IDS: variants seen among roughly 807,000 people sequenced by gnomAD.
The protein encoded by IDS is alpha-L-iduronate sulfate sulfatase.
A neutral mutation model predicts 33.5 loss-of-function variants in IDS; 1 was observed. The observed-to-expected ratio is 0.03, with a 90% CI of 0.01 to 0.14. IDS has a LOEUF of 0.14. Among genes scored for constraint, IDS ranks in the 10% least tolerant of loss-of-function variants. The pLI, the probability that IDS is intolerant of heterozygous loss-of-function variation, is 1.00. For missense variants in IDS, 328 were observed against 448.0 expected (o/e 0.73, Z 2.42); for synonymous variants, 191 against 184.4 (o/e 1.04, Z -0.29).
In IDS at chrX:149,480,251, CA is replaced by C. The variant is rs782367233; in HGVS notation, c.*2494del. The stretch of plus-strand genomic sequence containing the variant: ...GAAGACACGTGGATTATTTTAGGGA[CA>C]GGGGAGGAAAGAGGAGGGGTGGGTA... On this transcript the variant is annotated 3_prime_UTR_variant, in exon 9 of 9. Transcript: ENST00000340855. 3.3e-4 allele frequency: 96 copies of C among 289,966 alleles called. No individual in the cohort carries two copies. Among genetic ancestry groups the C allele is most frequent in the Non-Finnish European group, 5.2e-4 (87 of 168,660 alleles). 23.9% of individuals were successfully genotyped at this position (289,966 alleles called of 1,213,427 possible). A position where few individuals can be genotyped will look rare whatever the true frequency, so the allele number is the denominator to read the frequency against.
chrX:149,479,958 CA>C lies in IDS; in HGVS notation c.*2787del, dbSNP rs782618478. On this transcript the variant is annotated 3_prime_UTR_variant, in exon 9 of 9. Coordinates refer to ENST00000340855, the MANE Select transcript of IDS (RefSeq NM_000202.8). ...TCCCACAATAGAGTCTAGAGAGTCA[CA>C]AAAACCTCAGCCTCCTTCGGGAGGG... 2.7e-4 allele frequency: 67 copies of C among 247,001 alleles called. No homozygotes were observed. Among genetic ancestry groups the C allele is most frequent in the African/African-American group, 1.5e-3 (54 of 35,341 alleles). 20.4% of individuals were successfully genotyped at this position (247,001 alleles called of 1,213,427 possible).
At chrX:149,496,884 T>C (rs1242421278) in intron 5 of IDS, among the ~76,000 whole-genome samples, 1 of 112,026 alleles carries the variant, frequency 8.9e-6, no homozygotes, top group Non-Finnish European at 1.9e-5. Context: ...GGGGAACTCA[T>C]AGGATTCAGC....
chrX:149,503,238 C>T (rs782101222), intron 3 of IDS, 74 bp downstream of exon 3: 17 of 1,172,951 alleles, frequency 1.4e-5, no homozygotes, highest in Non-Finnish European at 1.9e-5. Context: ...AAGACAGCCC[C>T]ATCCCCAGGA....
rs1557337435 is a variant in IDS, at chrX:149,481,543, A to G, written c.*1203T>C. On this transcript the variant is annotated 3_prime_UTR_variant, in exon 9 of 9. Coordinates refer to ENST00000340855, the MANE Select transcript of IDS (RefSeq NM_000202.8). Reference sequence around the variant, plus strand: ...TTCACTACAGGACAGTAGATATTTAATATTTATTTAGAAAGCTATTGACAC... The same window carrying G: ...TTCACTACAGGACAGTAGATATTTAGTATTTATTTAGAAAGCTATTGACAC... The G allele has an allele frequency of 8.9e-6, 1 of 112,336 alleles. No homozygotes were observed. Among genetic ancestry groups the G allele is most frequent in the Non-Finnish European group, 1.9e-5 (1 of 53,280 alleles). The allele number at this position is 112,336 out of a possible 1,213,427, so 9.3% of individuals were successfully genotyped here. A position where few individuals can be genotyped will look rare whatever the true frequency, so the allele number is the denominator to read the frequency against.
At chrX:149,504,954 C>CAAAGAAGGAAGG (rs1187196589) in intron 1 of IDS, 81 bp downstream of exon 1, 10 of 734,744 alleles carry the variant, frequency 1.4e-5, no homozygotes, top group African/African-American at 2.3e-5. Flanking sequence ...TGGATATAAA[C>CAAAGAAGGAAGG]AAAGAAGGAA....
chrX:149,504,886 G>A, intron 1 of IDS, 149 bp downstream of exon 1: 1 of 443,122 alleles, frequency 2.3e-6, no homozygotes, highest in Non-Finnish European at 3.9e-6. Flanking sequence ...AAAATGGAGG[G>A]AGGGAACGAA....
At chrX:149,485,490 T>A (rs1275845608) in intron 8 of IDS, among the ~76,000 whole-genome samples, 5 of 112,071 alleles carry the variant, frequency 4.5e-5, no homozygotes, top group Middle Eastern at 4.2e-3. Context: ...ATTCCATGAT[T>A]TTTTGGCATG....
At chrX:149,504,403 C>G (rs1354750973) in intron 1 of IDS, 110 bp from the exon 2 acceptor site, 6 of 839,265 alleles carry the variant, frequency 7.1e-6, no homozygotes, top group African/African-American at 6.1e-5. Context: ...TGCACCTTAA[C>G]AGCCTAGCCA....
chrX:149,501,958 T>C (rs1184624238), intron 3 of IDS: 5 of 227,655 alleles, frequency 2.2e-5, no homozygotes, highest in Non-Finnish European at 4.2e-5. Context: ...TCTGGCAAGC[T>C]ACTTGACTCC....
intron 4 of IDS, among the ~76,000 whole-genome samples, chrX:149,498,739 T>C (rs1220199137): frequency 4.4e-5 from 5 of 112,492 alleles, no homozygotes; most frequent in African/African-American, 1.6e-4. Flanking sequence ...TCAAAACCAC[T>C]TCACACCCAA....
At chrX:149,503,253 A>G in intron 3 of IDS, 59 bp downstream of exon 3, 1 of 1,183,672 alleles carries the variant, frequency 8.4e-7, no homozygotes, top group Non-Finnish European at 1.1e-6. Context: ...CCAGGATGGG[A>G]ATGCTGGATT....
chrX:149,505,284 C>T lies in IDS; in HGVS notation c.-147G>A. The T allele has an allele frequency of 3.1e-6, 1 of 321,372 alleles. No homozygotes were observed. Among genetic ancestry groups the T allele is most frequent in the South Asian group, 1.4e-4 (1 of 7,327 alleles). 26.5% of individuals were successfully genotyped at this position (321,372 alleles called of 1,213,427 possible). The stretch of plus-strand genomic sequence containing the variant: ...CAGCCGCCGCCCGGGCCCGCAGGCC[C>T]GGGCGCTGGCCGCAGCGCGAGTGCG... On this transcript the variant is annotated 5_prime_UTR_variant, in exon 1 of 9. Coordinates refer to ENST00000340855, the MANE Select transcript of IDS (RefSeq NM_000202.8).
chrX:149,499,074 G>T (rs1397443872), intron 4 of IDS, among the ~76,000 whole-genome samples: 1 of 112,102 alleles, frequency 8.9e-6, no homozygotes, highest in African/African-American at 3.3e-5. Context: ...AAAAAGGAAT[G>T]AAAGGCTGGG....
chrX:149,491,490 C>T, intron 6 of IDS: 1 of 918,557 alleles, frequency 1.1e-6, no homozygotes, highest in South Asian at 2.3e-5. Context: ...GCTGGACCCA[C>T]CAGCTTCTTC....
At chrX:149,483,895 G>C (rs1461801890) in intron 8 of IDS, among the ~76,000 whole-genome samples, 1 of 112,368 alleles carries the variant, frequency 8.9e-6, no homozygotes, top group Non-Finnish European at 1.9e-5. Flanking sequence ...TCATAGGAGT[G>C]GGATTATACA....
At position 149,486,946 on chromosome X, in the gene IDS, C is replaced by T. The variant is rs376725292; in HGVS notation, c.1159G>A (p.Ala387Thr). Residue 387 changes from alanine to threonine, a missense_variant, in exon 8 of 9, where the codon GCC (alanine) becomes ACC (threonine). This residue lies in a region of IDS where 265 missense variants were observed against 339.2 expected (regional missense o/e 0.78). Coordinates refer to ENST00000340855, the MANE Select transcript of IDS (RefSeq NM_000202.8). ...ATACCTGGCTCCATCAACTGTGAGG[C>T]GGAATCAAAAGGGTCGAGGTAAGGG... Reference protein sequence around the residue: ...LFPYLDPFDSASQLMEPGRQS... With the variant: ...LFPYLDPFDSTSQLMEPGRQS... The T allele has an allele frequency of 9.2e-5, 111 of 1,210,040 alleles. No individual in the cohort carries two copies. The highest frequency in any genetic ancestry group is 3.3e-4 in the African/African-American group (19 of 57,253).
intron 8 of IDS, among the ~76,000 whole-genome samples, chrX:149,486,272 A>G (rs781864287): frequency 1.5e-4 from 17 of 111,820 alleles, no homozygotes; most frequent in Non-Finnish European, 2.4e-4. Context: ...GCGTCTAAAC[A>G]CTACCTTGTG....
intron 7 of IDS, among the ~76,000 whole-genome samples, chrX:149,489,747 G>A (rs891038789): frequency 6.3e-5 from 7 of 111,477 alleles, no homozygotes; most frequent in Non-Finnish European, 1.1e-4. Context: ...AGTGGGAAAC[G>A]GGGGGAGCTG....
rs1214372259 is a variant in IDS, at chrX:149,477,306, C to T, written c.*5440G>A. 8.9e-6 allele frequency: 1 copy of T among 112,456 alleles called. No homozygotes were observed. The highest frequency in any genetic ancestry group is 1.9e-5 in the Non-Finnish European group (1 of 53,301). The allele number at this position is 112,456 out of a possible 1,213,427, so 9.3% of individuals were successfully genotyped here. On this transcript the variant is annotated 3_prime_UTR_variant, in exon 9 of 9. Transcript: ENST00000340855. ...TTTGCTCCTCTCCTTGTCCACGTCC[C>T]AACTCTTGTTTCCTAGCATGTGCTG...
Sources: allele counts gnomAD v4.1 joint callset (sites outside exome capture counted in the v4.1 genomes callset), GRCh38; gene constraint gnomAD v4.1.1; regional missense constraint gnomAD v4.1.1; transcripts MANE v1.5; gene names NCBI Gene and HGNC (gene_info 2026-07-23, HGNC 2026-07-21).